RBFOX1: variants seen among roughly 807,000 people sequenced by gnomAD.
RBFOX1 encodes the protein RNA binding protein fox-1 homolog 1.
Under a neutral mutation model 57.7 loss-of-function variants are expected in RBFOX1, and 8 were observed. That is an observed-to-expected ratio of 0.14 (90% CI 0.08 to 0.25). The LOEUF is 0.25. Ranked by LOEUF, RBFOX1 falls within the 10% of genes least tolerant of loss-of-function variation. RBFOX1 has a pLI of 1.00. For missense variants in RBFOX1, 611 were observed against 548.5 expected, an observed-to-expected ratio of 1.11 and a Z score of -1.14; for synonymous variants, 326 against 222.4, an observed-to-expected ratio of 1.47 and a Z score of -4.15.
chr16:7,050,624 T>C (rs1026704418), intron 3 of RBFOX1, among the ~76,000 whole-genome samples: 1 of 152,214 alleles, frequency 6.6e-6, no homozygotes, highest in African/African-American at 2.4e-5. Flanking sequence ...ATAGGAACCA[T>C]AATATTGTAT....
intron 4 of RBFOX1, among the ~76,000 whole-genome samples, chr16:7,066,976 G>A (rs927638402): frequency 1.3e-5 from 2 of 152,134 alleles, no homozygotes; most frequent in East Asian, 1.9e-4. Context: ...AAAGACACAT[G>A]GAAATGCCTC....
intron 3 of RBFOX1, among the ~76,000 whole-genome samples, chr16:5,761,019 G>A (rs1366438473): frequency 3.3e-5 from 5 of 152,212 alleles, no homozygotes; most frequent in Admixed American, 1.3e-4. Flanking sequence ...AACAGATAAT[G>A]TGGTAATTGA....
chr16:6,694,868 A>C (rs1386337903), intron 3 of RBFOX1, among the ~76,000 whole-genome samples: 2 of 152,024 alleles, frequency 1.3e-5, no homozygotes, highest in Admixed American at 6.6e-5. Flanking sequence ...GAGCCCTGGG[A>C]ACCACACGGC....
intron 3 of RBFOX1, among the ~76,000 whole-genome samples, chr16:5,814,961 A>AT (rs994200009): frequency 1.7e-4 from 25 of 151,210 alleles, no homozygotes; most frequent in African/African-American, 5.6e-4. Context: ...AAAAAAAAAA[A>AT]ATTTTATTCC....
chr16:7,016,946 T>G (rs373468235), intron 3 of RBFOX1, among the ~76,000 whole-genome samples: 1 of 152,156 alleles, frequency 6.6e-6, no homozygotes, highest in African/African-American at 2.4e-5. Flanking sequence ...TTGTTTCATG[T>G]TTTTGTCCCA....
intron 2 of RBFOX1, among the ~76,000 whole-genome samples, chr16:6,376,787 G>A (rs868259206): frequency 2.0e-5 from 3 of 152,112 alleles, no homozygotes; most frequent in African/African-American, 4.8e-5. Context: ...TGAAATCGGG[G>A]TATTAGCAGC....
intron 4 of RBFOX1, among the ~76,000 whole-genome samples, chr16:7,275,298 C>G (rs942592479): frequency 1.3e-5 from 2 of 152,220 alleles, no homozygotes; most frequent in African/African-American, 4.8e-5. Flanking sequence ...AACTTGATTT[C>G]TAATCGTTAT....
intron 2 of RBFOX1, among the ~76,000 whole-genome samples, chr16:6,481,020 T>C (rs2095363725): frequency 6.6e-6 from 1 of 152,216 alleles, no homozygotes; most frequent in South Asian, 2.1e-4. Flanking sequence ...CAAATGTATC[T>C]TGTGCATGTT....
At chr16:7,430,771 C>T (rs1476479817) in intron 4 of RBFOX1, among the ~76,000 whole-genome samples, 2 of 152,260 alleles carry the variant, frequency 1.3e-5, no homozygotes, top group Non-Finnish European at 2.9e-5. Flanking sequence ...ACACAGGAAG[C>T]CTGGTCGTCT....
chr16:6,030,816 A>G (rs1044035324), intron 1 of RBFOX1, among the ~76,000 whole-genome samples: 1 of 152,174 alleles, frequency 6.6e-6, no homozygotes, highest in Admixed American at 6.5e-5. Flanking sequence ...TATTTATGCT[A>G]TATAAATTCA....
intron 2 of RBFOX1, among the ~76,000 whole-genome samples, chr16:6,404,472 C>T (rs1287617679): frequency 6.6e-6 from 1 of 152,164 alleles, no homozygotes; most frequent in Non-Finnish European, 1.5e-5. Flanking sequence ...CCTAAAGTAA[C>T]TTGGTTCCAA....
At chr16:5,709,359 A>T (rs536362572) in intron 3 of RBFOX1, among the ~76,000 whole-genome samples, 173 of 152,344 alleles carry the variant, frequency 1.1e-3, no homozygotes, top group African/African-American at 4.0e-3. Context: ...ATCAGTGAGC[A>T]TGTGCCTGAA....
intron 1 of RBFOX1, among the ~76,000 whole-genome samples, chr16:6,304,148 C>T (rs553590749): frequency 6.6e-5 from 10 of 151,478 alleles, no homozygotes; most frequent in African/African-American, 1.7e-4. Context: ...ATTACCCAGG[C>T]GTGGTGGCAG....
At chr16:6,412,087 C>T (rs1349326438) in intron 2 of RBFOX1, among the ~76,000 whole-genome samples, 2 of 149,146 alleles carry the variant, frequency 1.3e-5, no homozygotes, top group East Asian at 4.0e-4. Context: ...GAGCCAAGAT[C>T]GTGCCATTGC....
At chr16:6,157,750 A>C (rs1241398335) in intron 1 of RBFOX1, among the ~76,000 whole-genome samples, 1 of 152,202 alleles carries the variant, frequency 6.6e-6, no homozygotes, top group Non-Finnish European at 1.5e-5. Context: ...TATAGGTTTA[A>C]ATAATTTATA....
At chr16:6,612,592 C>G (rs115673212) in intron 2 of RBFOX1, among the ~76,000 whole-genome samples, 2 of 152,036 alleles carry the variant, frequency 1.3e-5, no homozygotes, top group Non-Finnish European at 2.9e-5. Context: ...TTGGTCACAC[C>G]TGTAATCCCA....
At chr16:5,735,712 C>T (rs1269638630) in intron 3 of RBFOX1, among the ~76,000 whole-genome samples, 1 of 152,114 alleles carries the variant, frequency 6.6e-6, no homozygotes, top group Non-Finnish European at 1.5e-5. Context: ...CCCTGGTCAA[C>T]ATGGTGAAAC....
At chr16:6,823,579 G>A (rs755225036) in intron 3 of RBFOX1, among the ~76,000 whole-genome samples, 1 of 152,006 alleles carries the variant, frequency 6.6e-6, no homozygotes, top group Admixed American at 6.6e-5. Context: ...TCTTATAAGG[G>A]AGTATATTAT....
intron 3 of RBFOX1, among the ~76,000 whole-genome samples, chr16:6,888,721 G>T (rs1256734519): frequency 6.6e-6 from 1 of 152,144 alleles, no homozygotes; most frequent in African/African-American, 2.4e-5. Flanking sequence ...GGAGACCATT[G>T]TAAGTACACA....
Sources: gnomAD v4.1 joint callset for allele counts (sites outside exome capture counted in the v4.1 genomes callset) on GRCh38, gnomAD v4.1.1 for gene constraint, MANE v1.5 for transcripts, NCBI Gene and HGNC (gene_info 2026-07-23, HGNC 2026-07-21) for gene names.